The following ATAD2B variants were observed in gnomAD, a reference collection of about 807,000 sequenced individuals.
ATAD2B encodes the protein ATPase family AAA domain-containing protein 2B.
A neutral mutation model predicts 167.6 loss-of-function variants in ATAD2B; 40 were observed. That is an observed-to-expected ratio of 0.24 (90% CI 0.19 to 0.31). The LOEUF (loss-of-function observed/expected upper bound fraction) is 0.31, where lower values mean the gene tolerates loss of function less well. Among genes scored for constraint, ATAD2B ranks in the 10% least tolerant of loss-of-function variants. ATAD2B has a pLI of 1.00. For missense variants in ATAD2B, 1,242 were observed against 1,757.2 expected (o/e 0.71, Z 5.24); for synonymous variants, 579 against 596.5 (o/e 0.97, Z 0.43).
intron 14 of ATAD2B, chr2:23,832,259 G>C (rs1277221706): frequency 2.1e-6 from 1 of 467,488 alleles, no homozygotes; most frequent in Admixed American, 2.4e-5. Flanking sequence ...TCTAGTCTCG[G>C]GACCTTAAAA....
At chr2:23,797,779 C>A (rs1486445281) in intron 19 of ATAD2B, among the ~76,000 whole-genome samples, 1 of 152,098 alleles carries the variant, frequency 6.6e-6, no homozygotes, top group Non-Finnish European at 1.5e-5. Context: ...AAAGTTTTGA[C>A]TGCAACCCAT....
chr2:23,731,092 T>G, the ATAD2B span, among the ~76,000 whole-genome samples: 1 of 152,184 alleles, frequency 6.6e-6, no homozygotes, highest in Non-Finnish European at 1.5e-5. Context: ...GGAACCATTT[T>G]AGCAGTAATA....
chr2:23,891,394 CAAAAGTTGTT>C (rs1699466920), intron 2 of ATAD2B, among the ~76,000 whole-genome samples: 1 of 152,054 alleles, frequency 6.6e-6, no homozygotes, highest in Non-Finnish European at 1.5e-5. Context: ...TGAATGTTCT[CAAAAGTTGTT>C]CACTTAAATT....
chr2:23,782,821 T>G, intron 22 of ATAD2B, 48 bp downstream of exon 22: 1 of 1,490,656 alleles, frequency 6.7e-7, no homozygotes, highest in Non-Finnish European at 9.2e-7. Context: ...AACGGTAAAC[T>G]GTCTTCTGAT....
At chr2:23,758,133 G>T in intron 24 of ATAD2B, 32 bp from the exon 25 acceptor site, 1 of 1,477,228 alleles carries the variant, frequency 6.8e-7, no homozygotes, top group Non-Finnish European at 9.0e-7. Flanking sequence ...AAGATATGTA[G>T]AACTTGGAAT....
Position 23,754,901 on chromosome 2 carries a change from T to A in ATAD2B, c.4079-127A>T, listed in dbSNP as rs1289974738. On this transcript the variant is annotated intron_variant, in intron 25 of 27. Transcript: ENST00000238789. ...GAATGAGGAAGGGTGTATTCTTAAG[T>A]GATTTTTTTTAAAGCAACCCAATGT... 1.5e-5 allele frequency: 15 copies of A among 980,144 alleles called. No individual in the cohort carries two copies. The African/African-American group carries it at 2.5e-4, about 16-fold the overall frequency. The allele number at this position is 980,144 out of a possible 1,614,324, so 60.7% of individuals were successfully genotyped here. A position where few individuals can be genotyped will look rare whatever the true frequency, so the allele number is the denominator to read the frequency against.
intron 18 of ATAD2B, among the ~76,000 whole-genome samples, chr2:23,807,828 A>AATAT (rs1382797971): frequency 3.4e-4 from 41 of 118,996 alleles, no homozygotes; most frequent in South Asian, 7.2e-4. Context: ...AAAAAAAAAA[A>AATAT]ATATATATAT....
chr2:23,898,001 T>G (rs1040210801), intron 1 of ATAD2B, among the ~76,000 whole-genome samples: 3 of 152,168 alleles, frequency 2.0e-5, no homozygotes, highest in Admixed American at 1.3e-4. Context: ...AGAGTCTCAA[T>G]CTATGTGATC....
chr2:23,774,326 G>A (rs1449958930), intron 22 of ATAD2B, among the ~76,000 whole-genome samples: 2 of 152,076 alleles, frequency 1.3e-5, no homozygotes, highest in Non-Finnish European at 2.9e-5. Flanking sequence ...TGTAAGTCCT[G>A]TAGCTGTAGT....
At chr2:23,706,684 A>G in the ATAD2B span, 7 of 1,489,342 alleles carry the variant, frequency 4.7e-6, no homozygotes, top group Middle Eastern at 1.7e-4. Context: ...AAAGCCCACG[A>G]TAAGACTGTG....
the ATAD2B span, among the ~76,000 whole-genome samples, chr2:23,741,329 A>G: frequency 6.6e-6 from 1 of 152,358 alleles, no homozygotes; most frequent in Non-Finnish European, 1.5e-5. Flanking sequence ...GAACCAAAAC[A>G]GCATGGTACT....
chr2:23,795,707 C>G (rs980723506), intron 19 of ATAD2B, among the ~76,000 whole-genome samples: 1 of 150,626 alleles, frequency 6.6e-6, no homozygotes, highest in Admixed American at 6.6e-5. Context: ...TGGTGAAACC[C>G]CATCTCTACT....
chr2:23,723,109 T>A, the ATAD2B span, among the ~76,000 whole-genome samples: 6,055 of 152,150 alleles, frequency 0.04, 191 homozygotes, highest in East Asian at 0.15. Flanking sequence ...CTGGGCAACA[T>A]GGCGAAACCC....
chr2:23,899,396 T>A (rs1366740116), intron 1 of ATAD2B, among the ~76,000 whole-genome samples: 1 of 151,758 alleles, frequency 6.6e-6, no homozygotes, highest in Non-Finnish European at 1.5e-5. Context: ...ATGTATATAA[T>A]TAAGATGGTG....
intron 10 of ATAD2B, among the ~76,000 whole-genome samples, chr2:23,866,693 AATAAG>A (rs1427285987): frequency 2.0e-5 from 3 of 152,216 alleles, no homozygotes; most frequent in Non-Finnish European, 4.4e-5. Context: ...CCCATTAATA[AATAAG>A]ATAAGCATTT....
intron 16 of ATAD2B, among the ~76,000 whole-genome samples, chr2:23,822,036 C>T (rs781646543): frequency 3.3e-5 from 5 of 152,140 alleles, no homozygotes; most frequent in Non-Finnish European, 2.9e-5. Flanking sequence ...AACTCAAGAT[C>T]CTCTAAAATG....
chr2:23,728,517 C>A, the ATAD2B span, among the ~76,000 whole-genome samples: 2 of 151,978 alleles, frequency 1.3e-5, no homozygotes, highest in African/African-American at 4.8e-5. Flanking sequence ...ACCTTAAAAC[C>A]TAACATGAAC....
chr2:23,759,647 A>G (rs1676405502), intron 24 of ATAD2B, among the ~76,000 whole-genome samples: 1 of 152,188 alleles, frequency 6.6e-6, no homozygotes, highest in Admixed American at 6.5e-5. Flanking sequence ...ATTTGGCTCA[A>G]CATGTATTTT....
intron 17 of ATAD2B, among the ~76,000 whole-genome samples, chr2:23,814,066 G>A (rs897662447): frequency 6.6e-6 from 1 of 152,056 alleles, no homozygotes; most frequent in Non-Finnish European, 1.5e-5. Flanking sequence ...TACCCTGGGC[G>A]ACATAGACAT....
Sources: gnomAD v4.1 joint callset for allele counts (sites outside exome capture counted in the v4.1 genomes callset) on GRCh38, gnomAD v4.1.1 for gene constraint, MANE v1.5 for transcripts, NCBI Gene and HGNC (gene_info 2026-07-23, HGNC 2026-07-21) for gene names.